The following CRIP2 variants were observed in gnomAD, a reference collection of about 807,000 sequenced individuals.
CRIP2 encodes cysteine-rich protein 2.
CRIP2 carries 31 observed loss-of-function variants against 31.3 expected under a neutral mutation model. That is an observed-to-expected ratio of 0.99 (90% CI 0.74 to 1.34). CRIP2 has a LOEUF of 1.34. CRIP2 is among the 40% of genes most tolerant of loss of function. The pLI, the probability that CRIP2 is intolerant of heterozygous loss-of-function variation, is 0.00. For synonymous variants in CRIP2, 177 were observed against 127.2 expected (o/e 1.39, Z -2.63); for missense variants, 389 against 301.6 (o/e 1.29, Z -2.15).
chr14:105,477,718 T>TGGGGGAAGCGGGTGTGTGG (rs2083967241), intron 1 of CRIP2: 1 of 83,822 alleles, frequency 1.2e-5, no homozygotes, highest in African/African-American at 2.8e-4. Context: ...CGGGTGTGTG[T>TGGGGGAAGCGGGTGTGTGG]GGGGGGAAGC....
At position 105,478,132 on chromosome 14, in the gene CRIP2, GGAA is replaced by G. The variant is rs1595454321; in HGVS notation, c.44-132_44-130del. On this transcript the variant is annotated intron_variant, in intron 1 of 7. Coordinates refer to ENST00000329146, the MANE Select transcript of CRIP2 (RefSeq NM_001312.4). The surrounding 1 kb of genome is among the most constrained non-coding windows in gnomAD (Gnocchi z 4.9). ...GAAGGAGGGGCAGGGCCCGCCAGGTGGAAGGAAGGCGCCTGGGAGACCTCCTGA... is the reference window on the plus strand; with the variant it reads ...GAAGGAGGGGCAGGGCCCGCCAGGTGGGAAGGCGCCTGGGAGACCTCCTGA... 14 of 669,936 alleles carry G rather than the reference GGAA, an allele frequency of 2.1e-5. No homozygotes were observed. In the East Asian group the frequency reaches 4.4e-4, roughly 21 times the overall value. 41.5% of individuals were successfully genotyped at this position (669,936 alleles called of 1,614,324 possible). A position where few individuals can be genotyped will look rare whatever the true frequency, so the allele number is the denominator to read the frequency against.
chr14:105,475,715 C>T (rs999390100), intron 1 of CRIP2: 2 of 650,208 alleles, frequency 3.1e-6, no homozygotes, highest in Non-Finnish European at 1.9e-6. Flanking sequence ...GCGCGCTCCC[C>T]CCGTCTGGGC....
Position 105,480,014 on chromosome 14 carries a change from A to G in CRIP2, c.*361A>G. Reference sequence around the variant, plus strand: ...GTTATTTATGCTCCCTTCGTGGGTGATGGCCACGCCCTCACCATGTCCCTG... The same window carrying G: ...GTTATTTATGCTCCCTTCGTGGGTGGTGGCCACGCCCTCACCATGTCCCTG... On this transcript the variant is annotated 3_prime_UTR_variant, in exon 8 of 8. Coordinates refer to ENST00000329146, the MANE Select transcript of CRIP2 (RefSeq NM_001312.4). 3.5e-6 allele frequency: 1 copy of G among 283,350 alleles called. No homozygotes were observed. The highest frequency in any genetic ancestry group is 6.9e-6 in the Non-Finnish European group (1 of 145,436). The allele number at this position is 283,350 out of a possible 1,614,324, so 17.6% of individuals were successfully genotyped here. A position where few individuals can be genotyped will look rare whatever the true frequency, so the allele number is the denominator to read the frequency against.
At chr14:105,476,468 GC>G (rs1329361682) in intron 1 of CRIP2, 1 of 985,440 alleles carries the variant, frequency 1.0e-6, no homozygotes, top group Non-Finnish European at 1.2e-6. Context: ...CCACCCCAGA[GC>G]CCATGCAGCC....
chr14:105,478,717 A>AC lies in CRIP2; in HGVS notation c.197-9dup, dbSNP rs1555436490. The stretch of plus-strand genomic sequence containing the variant: ...CACCCCACGTACCCCCGCCCCACGT[A>AC]CCCCCACCCGCAGGCGTGAACATCG... On this transcript the variant is annotated splice_polypyrimidine_tract_variant and intron_variant, in intron 3 of 7. Transcript: ENST00000329146. The surrounding 1 kb of genome is among the most constrained non-coding windows in gnomAD (Gnocchi z 4.9). 4.2e-6 allele frequency: 6 copies of AC among 1,426,528 alleles called. No homozygotes were observed. Among genetic ancestry groups the AC allele is most frequent in the Non-Finnish European group, 2.7e-6 (3 of 1,094,324 alleles). 88.4% of individuals were successfully genotyped at this position (1,426,528 alleles called of 1,614,324 possible). A position where few individuals can be genotyped will look rare whatever the true frequency, so the allele number is the denominator to read the frequency against.
chr14:105,476,143 GGGTGGGAGAC>G (rs2083928583), intron 1 of CRIP2: 1 of 985,380 alleles, frequency 1.0e-6, no homozygotes, highest in African/African-American at 1.7e-5. Context: ...GTAAGGCTTA[GGGTGGGAGAC>G]GGTCCCCAGG....
chr14:105,478,296 G>A lies in CRIP2; in HGVS notation c.74G>A (p.Trp25Ter). 6.4e-7 allele frequency: 1 copy of A among 1,572,372 alleles called. No homozygotes were observed. Among genetic ancestry groups the A allele is most frequent in the Non-Finnish European group, 8.6e-7 (1 of 1,160,946 alleles). Residue 25 changes from tryptophan (W) to a stop codon, truncating the protein, a stop_gained, in exon 2 of 8, where the codon TGG becomes TAG. Coordinates refer to ENST00000329146, the MANE Select transcript of CRIP2 (RefSeq NM_001312.4). LOFTEE classifies it high-confidence loss of function. The surrounding 1 kb of genome is among the most constrained non-coding windows in gnomAD (Gnocchi z 4.9). ...AAGGTGAGCTCCCTGGGGAAGGACT[G>A]GCACAAGTTCTGCCTCAAGTGCGAG... ...AEKVSSLGKD[W>*]HKFCLKCERC...
At chr14:105,473,904 G>A (rs2083881764), upstream of CRIP2, among the ~76,000 whole-genome samples, 1 of 152,190 alleles carries the variant, frequency 6.6e-6, no homozygotes, top group Non-Finnish European at 1.5e-5. Flanking sequence ...GGGCGGTGCG[G>A]GAGAAGGGAC....
intron 1 of CRIP2, chr14:105,476,490 G>A: frequency 3.0e-6 from 3 of 985,584 alleles, no homozygotes; most frequent in Non-Finnish European, 3.6e-6. Flanking sequence ...AGGGTGGGCA[G>A]CTGGTTTTCT....
rs782242425 is a variant in CRIP2 at position 105,479,140 on chromosome 14, C to T, written c.422C>T (p.Ser141Phe). 8 of 1,611,684 alleles carry T rather than the reference C, an allele frequency of 5.0e-6. No individual in the cohort carries two copies. Among genetic ancestry groups the T allele is most frequent in the African/African-American group, 2.7e-5 (2 of 74,882 alleles). The change falls in exon 6 of 8, where the codon TCT becomes TTT. Residue 141 changes from serine (S) to phenylalanine (F), a missense_variant. Transcript: ENST00000329146. ...KKVYFAEKVT[S>F]LGKDWHRPCL... ...CCCTTTCCAGCTGAGAAGGTGACGTCTCTGGGCAAGGATTGGCACCGGCCC... is the reference window on the plus strand; with the variant it reads ...CCCTTTCCAGCTGAGAAGGTGACGTTTCTGGGCAAGGATTGGCACCGGCCC...
upstream of CRIP2, among the ~76,000 whole-genome samples, chr14:105,473,899 G>A (rs975079470): frequency 2.6e-5 from 4 of 152,314 alleles, no homozygotes; most frequent in East Asian, 5.8e-4. Flanking sequence ...GTCCTGGGCG[G>A]TGCGGGAGAA....
rs2084008203 is a variant in CRIP2, at chr14:105,478,634, CTAGTGCCCCCCA to C, written c.197-96_197-85del. 1.3e-6 allele frequency: 2 copies of C among 1,494,656 alleles called. No homozygotes were observed. The highest frequency in any genetic ancestry group is 2.8e-5 in the African/African-American group (2 of 71,596). The allele number at this position is 1,494,656 out of a possible 1,614,324, so 92.6% of individuals were successfully genotyped here. ...CAGAGTCCCTGCCACCCTGGAAAGCCTAGTGCCCCCCAGTCCCCAGCGGGCCGTTTTCTGAGA... is the reference window on the plus strand; with the variant it reads ...CAGAGTCCCTGCCACCCTGGAAAGCCGTCCCCAGCGGGCCGTTTTCTGAGA... On this transcript the variant is annotated intron_variant, in intron 3 of 7. Transcript: ENST00000329146. The surrounding 1 kb of genome is among the most constrained non-coding windows in gnomAD (Gnocchi z 4.9).
In CRIP2 at chr14:105,478,579, T is replaced by TG; in HGVS notation, c.196+77dup. Reference sequence around the variant, plus strand: ...GCGTGGCGCTGGCGCTGGGGAGGGCTGGGGGTCCCGGCCGCCGTGGATCCC... The same window carrying TG: ...GCGTGGCGCTGGCGCTGGGGAGGGCTGGGGGGTCCCGGCCGCCGTGGATCCC... On this transcript the variant is annotated intron_variant, in intron 3 of 7. Coordinates refer to ENST00000329146, the MANE Select transcript of CRIP2 (RefSeq NM_001312.4). This position sits in a 1 kb window ranked among gnomAD's most constrained non-coding sequence, Gnocchi z 4.9. The TG allele has an allele frequency of 3.2e-6, 5 of 1,546,856 alleles. No homozygotes were observed. Among genetic ancestry groups the TG allele is most frequent in the East Asian group, 2.4e-5 (1 of 41,908 alleles).
At chr14:105,476,540 C>G (rs1343041892) in intron 1 of CRIP2, 1 of 985,444 alleles carries the variant, frequency 1.0e-6, no homozygotes, top group African/African-American at 1.7e-5. Flanking sequence ...GTTCCCAACT[C>G]GGACCCGTAA....
At chr14:105,475,612 T>G (rs2083915601) in intron 1 of CRIP2, among the ~76,000 whole-genome samples, 1 of 152,138 alleles carries the variant, frequency 6.6e-6, no homozygotes, top group Non-Finnish European at 1.5e-5. Flanking sequence ...GATCCCTGCC[T>G]CCTCAAGGTC....
At chr14:105,476,063 G>C (rs1440226525) in intron 1 of CRIP2, 13 of 985,598 alleles carry the variant, frequency 1.3e-5, no homozygotes, top group Non-Finnish European at 1.6e-5. Flanking sequence ...GCTGGGAGCC[G>C]AGGGGCTTCC....
Position 105,479,137 on chromosome 14 carries a change from C to G in CRIP2, c.419C>G (p.Thr140Arg), listed in dbSNP as rs370935827. 3 of 1,611,738 alleles carry G rather than the reference C, an allele frequency of 1.9e-6. No homozygotes were observed. The East Asian group carries it at 6.7e-5, about 36-fold the overall frequency. Residue 140 changes from threonine to arginine, a missense_variant, in exon 6 of 8, where the codon ACG (threonine) becomes AGG (arginine). Physicochemically the swap from Thr to Arg is moderately conservative, Grantham distance 71. Transcript: ENST00000329146. ...TCCCCCTTTCCAGCTGAGAAGGTGA[C>G]GTCTCTGGGCAAGGATTGGCACCGG... ...SKKVYFAEKV[T>R]SLGKDWHRPC...
intron 1 of CRIP2, chr14:105,477,405 C>T (rs2083955924): frequency 6.1e-6 from 6 of 985,132 alleles, no homozygotes; most frequent in Non-Finnish European, 7.2e-6. Flanking sequence ...ATGAGGGTCC[C>T]GCCTGGAGGA....
chr14:105,474,179 C>T (rs941189634), upstream of CRIP2: 1 of 153,396 alleles, frequency 6.5e-6, no homozygotes, highest in Non-Finnish European at 1.5e-5. This position sits in a 1 kb window ranked among gnomAD's most constrained non-coding sequence, Gnocchi z 5.1. Context: ...CTGCCCTCCA[C>T]CCAAGGAGCC....
Sources: allele counts gnomAD v4.1 joint callset (sites outside exome capture counted in the v4.1 genomes callset), GRCh38; gene constraint gnomAD v4.1.1; non-coding constraint Gnocchi (gnomAD v3.1); transcripts MANE v1.5; gene names NCBI Gene and HGNC (gene_info 2026-07-23, HGNC 2026-07-21).